The following RSU1 variants were observed in gnomAD, a reference collection of about 807,000 sequenced individuals.
The protein encoded by RSU1 is rsu-1.
Under a neutral mutation model 31.1 loss-of-function variants are expected in RSU1, and 26 were observed. The observed-to-expected ratio is 0.84, with a 90% confidence interval of 0.61 to 1.16. RSU1 has a LOEUF of 1.16. Among genes scored for constraint, RSU1 ranks in the 50% most tolerant of loss-of-function variants. The pLI is 0.00. For missense variants in RSU1, 320 were observed against 339.1 expected (o/e 0.94, Z 0.44); for synonymous variants, 164 against 136.3 (o/e 1.20, Z -1.41).
At chr10:16,790,081 C>T (rs1170138173) in intron 2 of RSU1, among the ~76,000 whole-genome samples, 1 of 152,094 alleles carries the variant, frequency 6.6e-6, no homozygotes, top group South Asian at 2.1e-4. Context: ...CTGGCACTGT[C>T]CCTGTGATTT....
Position 16,597,666 on chromosome 10 carries a change from T to C in RSU1, c.732-4170A>G, listed in dbSNP as rs527463567. ...ACATGGAGTTACAGTCAAGAGTGAT[T>C]AAATCAAGATAATTATATGATTACC... On this transcript the variant is annotated intron_variant, in intron 8 of 8. Transcript: ENST00000345264. 2.6e-5 allele frequency among the ~76,000 whole-genome samples: 4 copies of C among 152,326 alleles called. No homozygotes were observed. In the South Asian group the frequency reaches 6.2e-4, roughly 24 times the overall value.
chr10:16,626,426 A>G (rs926885205), intron 8 of RSU1, among the ~76,000 whole-genome samples: 1 of 152,108 alleles, frequency 6.6e-6, no homozygotes, highest in East Asian at 1.9e-4. Flanking sequence ...TTGGCCTCCC[A>G]AAGTGCTGGG....
intron 8 of RSU1, among the ~76,000 whole-genome samples, chr10:16,645,546 C>T (rs904193197): frequency 4.6e-5 from 7 of 151,980 alleles, no homozygotes; most frequent in Admixed American, 1.3e-4. Context: ...CGGTGGCTCA[C>T]GCTGTAATCC....
chr10:16,772,047 C>T (rs1452696760), intron 3 of RSU1, among the ~76,000 whole-genome samples: 1 of 152,234 alleles, frequency 6.6e-6, no homozygotes, highest in Non-Finnish European at 1.5e-5. Context: ...CTATCATGAG[C>T]TGCCTCAGGA....
intron 7 of RSU1, among the ~76,000 whole-genome samples, chr10:16,742,890 T>C (rs1836780663): frequency 6.6e-6 from 1 of 152,222 alleles, no homozygotes; most frequent in African/African-American, 2.4e-5. Flanking sequence ...TCACTTAGCA[T>C]TTTAAAAATC....
chr10:16,701,961 G>C (rs1048523532), intron 7 of RSU1, among the ~76,000 whole-genome samples: 12 of 152,174 alleles, frequency 7.9e-5, no homozygotes, highest in Non-Finnish European at 4.4e-5. Context: ...TTTAAACCTG[G>C]CATTCATTTA....
At chr10:16,629,576 T>C (rs1426931451) in intron 8 of RSU1, among the ~76,000 whole-genome samples, 1 of 152,156 alleles carries the variant, frequency 6.6e-6, no homozygotes, top group Non-Finnish European at 1.5e-5. Context: ...TCCCCTAAAA[T>C]TCCTTCCTTG....
At chr10:16,802,553 G>C (rs1460577825) in intron 2 of RSU1, among the ~76,000 whole-genome samples, 1 of 152,040 alleles carries the variant, frequency 6.6e-6, no homozygotes, top group Non-Finnish European at 1.5e-5. Context: ...GAAGCAAAGA[G>C]AACAATTTCT....
chr10:16,629,381 G>A (rs1400248533), intron 8 of RSU1, among the ~76,000 whole-genome samples: 5 of 152,080 alleles, frequency 3.3e-5, no homozygotes, highest in African/African-American at 1.2e-4. Flanking sequence ...CTCTGTAAAG[G>A]TGCAGCTTCC....
chr10:16,630,208 T>A (rs1043617804), intron 8 of RSU1, among the ~76,000 whole-genome samples: 5 of 152,184 alleles, frequency 3.3e-5, no homozygotes, highest in Admixed American at 1.3e-4. Context: ...CGCCCTGGCC[T>A]TTGTTTACTT....
chr10:16,618,756 C>T (rs528872072), intron 8 of RSU1, among the ~76,000 whole-genome samples: 103 of 152,278 alleles, frequency 6.8e-4, no homozygotes, highest in Admixed American at 1.4e-3. Context: ...CATGCTATCA[C>T]TCATAAGTGG....
intron 8 of RSU1, among the ~76,000 whole-genome samples, chr10:16,651,172 T>C (rs901629743): frequency 2.0e-5 from 3 of 152,208 alleles, no homozygotes. Context: ...TTTTTATGTA[T>C]TTATAAAGCT....
Position 16,787,268 on chromosome 10 carries a change from C to T in RSU1, c.110-5184G>A, listed in dbSNP as rs139733577. On this transcript the variant is annotated intron_variant, in intron 2 of 8. Coordinates refer to ENST00000345264, the MANE Select transcript of RSU1 (RefSeq NM_012425.4). ...CGTGAGCAGGTGCTGTGGAATCTTG[C>T]GAGCCCTTTCAATTATCCAACACGT... Among the ~76,000 whole-genome samples, 402 of 152,154 alleles carry T rather than the reference C, an allele frequency of 2.6e-3. 3 individuals are homozygous for T. The South Asian group carries it at 0.028, about 10-fold the overall frequency.
intron 7 of RSU1, among the ~76,000 whole-genome samples, chr10:16,723,727 C>T (rs531558658): frequency 6.6e-6 from 1 of 152,134 alleles, no homozygotes; most frequent in East Asian, 1.9e-4. Flanking sequence ...CAGTGGACAG[C>T]CAGGCCTGCA....
At chr10:16,728,427 C>G (rs571754153) in intron 7 of RSU1, among the ~76,000 whole-genome samples, 3 of 152,190 alleles carry the variant, frequency 2.0e-5, no homozygotes, top group Non-Finnish European at 4.4e-5. Context: ...CCAGTGGAAT[C>G]AGGATCAGGA....
At chr10:16,692,887 C>T (rs955577018) in intron 8 of RSU1, among the ~76,000 whole-genome samples, 24 of 152,240 alleles carry the variant, frequency 1.6e-4, no homozygotes, top group Admixed American at 3.9e-4. Context: ...ATCTAAACCA[C>T]GCTTTACATT....
chr10:16,788,782 G>T (rs1837851513), intron 2 of RSU1, among the ~76,000 whole-genome samples: 1 of 152,190 alleles, frequency 6.6e-6, no homozygotes, highest in Non-Finnish European at 1.5e-5. Context: ...GTTGTACAAG[G>T]TATTTCCACT....
chr10:16,815,584 G>T (rs1838511511), intron 2 of RSU1, among the ~76,000 whole-genome samples: 1 of 152,050 alleles, frequency 6.6e-6, no homozygotes, highest in South Asian at 2.1e-4. Flanking sequence ...AGCATCTACT[G>T]TGCTCCAGGC....
intron 2 of RSU1, among the ~76,000 whole-genome samples, chr10:16,814,360 A>G (rs1838477390): frequency 6.8e-6 from 1 of 146,702 alleles, no homozygotes; most frequent in Non-Finnish European, 1.5e-5. Flanking sequence ...AGGTGGGAGG[A>G]TTGCTTGAGC....
Sources: gnomAD v4.1 joint callset for allele counts (sites outside exome capture counted in the v4.1 genomes callset) on GRCh38, gnomAD v4.1.1 for gene constraint, MANE v1.5 for transcripts, NCBI Gene and HGNC (gene_info 2026-07-23, HGNC 2026-07-21) for gene names.